C12orf54: variants seen among roughly 807,000 people sequenced by gnomAD.
The protein encoded by C12orf54 is chromosome 12 open reading frame 54.
In C12orf54, 24 loss-of-function variants were observed where a neutral mutation model predicts 26.4. That is an observed-to-expected ratio of 0.91 (90% CI 0.66 to 1.28). The LOEUF is 1.28. Ranked by LOEUF, C12orf54 falls within the 50% of genes most tolerant of loss-of-function variation. The probability of loss-of-function intolerance (pLI) is 0.00; values close to 1 mark genes in which losing one functional copy is unlikely to be tolerated. For synonymous variants in C12orf54, 54 were observed against 47.0 expected, an observed-to-expected ratio of 1.15 and a Z score of -0.61; for missense variants, 154 against 150.9, an observed-to-expected ratio of 1.02 and a Z score of -0.11.
the C12orf54 span, among the ~76,000 whole-genome samples, chr12:48,437,788 C>A: frequency 6.6e-6 from 1 of 152,048 alleles, no homozygotes; most frequent in African/African-American, 2.4e-5. Flanking sequence ...AAACCCACAG[C>A]CAATATCATA....
the C12orf54 span, among the ~76,000 whole-genome samples, chr12:48,467,625 T>G: frequency 6.6e-6 from 1 of 152,210 alleles, no homozygotes; most frequent in Non-Finnish European, 1.5e-5. Context: ...AATCCATGGT[T>G]GCTTCAGGAT....
At chr12:48,443,154 TTC>T in the C12orf54 span, among the ~76,000 whole-genome samples, 1 of 152,080 alleles carries the variant, frequency 6.6e-6, no homozygotes, top group South Asian at 2.1e-4. Context: ...CAACCTTAGA[TTC>T]TCTCTCTCTC....
chr12:48,486,477 A>G, intron 3 of C12orf54: 1 of 633,360 alleles, frequency 1.6e-6, no homozygotes, highest in East Asian at 2.7e-5. Context: ...CCTGTCATGC[A>G]CCAGCTAGAT....
chr12:48,439,895 GATA>G, the C12orf54 span, among the ~76,000 whole-genome samples: 2 of 151,556 alleles, frequency 1.3e-5, no homozygotes, highest in South Asian at 4.2e-4. Flanking sequence ...CTTAAAGTAT[GATA>G]ATAATAAAAT....
Position 48,496,469 on chromosome 12 carries a change from A to C in C12orf54, c.*329A>C, listed in dbSNP as rs980113047. The stretch of plus-strand genomic sequence containing the variant: ...TGATAGTGCATTTGGTTCAAAGAAC[A>C]GCACTGTAGCATGGGAGAACCTGCA... On this transcript the variant is annotated 3_prime_UTR_variant, in exon 9 of 9. Transcript: ENST00000548364. 1.3e-5 allele frequency: 2 copies of C among 152,700 alleles called. No homozygotes were observed. The highest frequency in any genetic ancestry group is 2.9e-5 in the Non-Finnish European group (2 of 68,056). The allele number at this position is 152,700 out of a possible 1,614,324, so 9.5% of individuals were successfully genotyped here.
At chr12:48,473,366 T>G in the C12orf54 span, 1 of 1,093,366 alleles carries the variant, frequency 9.1e-7, no homozygotes, top group Non-Finnish European at 1.4e-6. Context: ...AAGAAAGGGG[T>G]CAGAAGCGAA....
upstream of C12orf54, among the ~76,000 whole-genome samples, chr12:48,477,572 C>T (rs533624688): frequency 6.6e-6 from 1 of 152,286 alleles, no homozygotes; most frequent in African/African-American, 2.4e-5. Context: ...GATATTACCA[C>T]CAATCTCACA....
chr12:48,423,137 T>C, the C12orf54 span, among the ~76,000 whole-genome samples: 2 of 152,134 alleles, frequency 1.3e-5, no homozygotes, highest in Non-Finnish European at 2.9e-5. Flanking sequence ...AATTTCTGAG[T>C]TGTTTTTGTT....
At chr12:48,464,900 T>A in the C12orf54 span, among the ~76,000 whole-genome samples, 156 of 152,010 alleles carry the variant, frequency 1.0e-3, no homozygotes, top group Non-Finnish European at 1.8e-3. Context: ...CTCCCTTACA[T>A]ATACAAAAAT....
the C12orf54 span, among the ~76,000 whole-genome samples, chr12:48,466,004 T>C: frequency 6.6e-6 from 1 of 152,144 alleles, no homozygotes; most frequent in Non-Finnish European, 1.5e-5. Flanking sequence ...AAGAAAACCT[T>C]AGAAAAACAC....
At chr12:48,434,220 C>A in the C12orf54 span, among the ~76,000 whole-genome samples, 1 of 152,190 alleles carries the variant, frequency 6.6e-6, no homozygotes, top group East Asian at 1.9e-4. Context: ...GGGGGAGGGG[C>A]GCCCGCCATT....
At chr12:48,488,517 C>T (rs929648061) in intron 4 of C12orf54, 26 of 380,398 alleles carry the variant, frequency 6.8e-5, no homozygotes, top group Non-Finnish European at 1.2e-4. Flanking sequence ...AAGAAAGTGC[C>T]GGAACTTTTT....
the C12orf54 span, among the ~76,000 whole-genome samples, chr12:48,428,537 A>T: frequency 2.0e-5 from 3 of 152,150 alleles, no homozygotes; most frequent in Admixed American, 6.6e-5. Flanking sequence ...GCTACTATGA[A>T]CAACTTTATC....
the C12orf54 span, among the ~76,000 whole-genome samples, chr12:48,433,948 C>A: frequency 6.6e-6 from 1 of 152,124 alleles, no homozygotes; most frequent in African/African-American, 2.4e-5. Context: ...CATGCATGAG[C>A]CAAAGCAGGG....
chr12:48,453,126 T>C, the C12orf54 span, among the ~76,000 whole-genome samples: 1 of 152,138 alleles, frequency 6.6e-6, no homozygotes, highest in Non-Finnish European at 1.5e-5. Flanking sequence ...AAGGAAAATG[T>C]GGTACATACA....
At chr12:48,435,608 A>G in the C12orf54 span, among the ~76,000 whole-genome samples, 4 of 152,262 alleles carry the variant, frequency 2.6e-5, no homozygotes, top group Non-Finnish European at 5.9e-5. Flanking sequence ...GCCAATATTC[A>G]ACATTCTTAA....
rs138716780 is a variant in C12orf54, at chr12:48,483,085, T to C, written c.-57-155T>C. 1.8e-4 allele frequency among the ~76,000 whole-genome samples: 28 copies of C among 152,234 alleles called. No individual in the cohort carries two copies. In the East Asian group the frequency reaches 5.4e-3, roughly 29 times the overall value. On this transcript the variant is annotated intron_variant, in intron 1 of 8. Coordinates refer to ENST00000548364, the MANE Select transcript of C12orf54 (RefSeq NM_152319.4). ...GCATATGTACATGCATATGCACACA[T>C]ACATGCACATATATGCAAGCACACA... is the stretch of plus-strand genomic sequence containing the variant.
chr12:48,492,838 TG>T, intron 6 of C12orf54, 108 bp from the exon 7 acceptor site: 1 of 977,036 alleles, frequency 1.0e-6, no homozygotes, highest in Non-Finnish European at 1.6e-6. Flanking sequence ...CCTTCAAGTC[TG>T]GACCCTCCCA....
the C12orf54 span, among the ~76,000 whole-genome samples, chr12:48,416,871 A>AG: frequency 2.6e-5 from 4 of 152,040 alleles, no homozygotes; most frequent in Middle Eastern, 0.01. Context: ...CCAAAAAAAA[A>AG]AGAGAGAGAT....
Sources: allele counts gnomAD v4.1 joint callset (sites outside exome capture counted in the v4.1 genomes callset), GRCh38; gene constraint gnomAD v4.1.1; transcripts MANE v1.5; gene names NCBI Gene and HGNC (gene_info 2026-07-23, HGNC 2026-07-21).